Variants in LMX1B observed in about 807,000 individuals in gnomAD.
LMX1B encodes LIM homeobox transcription factor 1-beta.
Under a neutral mutation model 51.4 loss-of-function variants are expected in LMX1B, and 12 were observed. That is an observed-to-expected ratio of 0.23 (90% confidence interval 0.15 to 0.38). The LOEUF (loss-of-function observed/expected upper bound fraction) is 0.38. Among genes scored for constraint, LMX1B ranks in the 10% least tolerant of loss-of-function variants. LMX1B has a pLI of 1.00. For missense variants in LMX1B, 445 were observed against 571.1 expected, an observed-to-expected ratio of 0.78 and a Z score of 2.25; for synonymous variants, 237 against 235.4, an observed-to-expected ratio of 1.01 and a Z score of -0.06.
chr9:126,642,987 A>T (rs1232529747), intron 2 of LMX1B, among the ~76,000 whole-genome samples: 1 of 152,186 alleles, frequency 6.6e-6, no homozygotes, highest in East Asian at 1.9e-4. Flanking sequence ...GACCTGAATA[A>T]TCTGATGTTC....
At chr9:126,628,969 G>A (rs1398523724) in intron 2 of LMX1B, among the ~76,000 whole-genome samples, 1 of 141,126 alleles carries the variant, frequency 7.1e-6, no homozygotes, top group Non-Finnish European at 1.5e-5. Context: ...GCATATTTAC[G>A]CTTGATGGTG....
chr9:126,626,743 G>T lies in LMX1B; in HGVS notation c.326+11174G>T, dbSNP rs1835540641. The stretch of plus-strand genomic sequence containing the variant: ...GAAGGAGCAAGGAGGCGGCGGCGGA[G>T]CAAACTCTGCGGATTAGGTTTCAGC... On this transcript the variant is annotated intron_variant, in intron 2 of 7. Transcript: ENST00000373474. This position sits in a 1 kb window ranked among gnomAD's most constrained non-coding sequence, Gnocchi z 4.3. Among the ~76,000 whole-genome samples the T allele has an allele frequency of 6.6e-6, 1 of 152,212 alleles. No homozygotes were observed. The highest frequency in any genetic ancestry group is 2.4e-5 in the African/African-American group (1 of 41,456).
Position 126,615,624 on chromosome 9 carries a change from GC to G in LMX1B, c.326+60del. ...ACCGCCCGGCACTCGAGCCCGGTCA[GC>G]CCCCTGCCGGGCCCGGCCCGCGCCC... On this transcript the variant is annotated intron_variant, in intron 2 of 7. Coordinates refer to ENST00000373474, the MANE Select transcript of LMX1B (RefSeq NM_001174147.2). The surrounding 1 kb of genome is among the most constrained non-coding windows in gnomAD (Gnocchi z 6.0). 2 of 1,514,534 alleles carry G rather than the reference GC, an allele frequency of 1.3e-6. No homozygotes were observed. Among genetic ancestry groups the G allele is most frequent in the Non-Finnish European group, 1.8e-6 (2 of 1,120,982 alleles). 93.8% of individuals were successfully genotyped at this position (1,514,534 alleles called of 1,614,324 possible). A position where few individuals can be genotyped will look rare whatever the true frequency, so the allele number is the denominator to read the frequency against.
chr9:126,678,746 T>C (rs1472998246), intron 2 of LMX1B, among the ~76,000 whole-genome samples: 1 of 152,214 alleles, frequency 6.6e-6, no homozygotes. Flanking sequence ...AAAAACCTGA[T>C]GCTAGAGGAA....
Position 126,625,304 on chromosome 9 carries a change from T to C in LMX1B, c.326+9735T>C, listed in dbSNP as rs887744455. On this transcript the variant is annotated intron_variant, in intron 2 of 7. Transcript: ENST00000373474. This position sits in a 1 kb window ranked among gnomAD's most constrained non-coding sequence, Gnocchi z 5.3. ...GGGGTGGTTTTGCGGGTGCCTTAATTGGCAGCGTCTGGAAAATGGGGACAG... is the reference window on the plus strand; with the variant it reads ...GGGGTGGTTTTGCGGGTGCCTTAATCGGCAGCGTCTGGAAAATGGGGACAG... Among the ~76,000 whole-genome samples, 11 of 152,128 alleles carry C rather than the reference T, an allele frequency of 7.2e-5. No homozygotes were observed. Among genetic ancestry groups the C allele is most frequent in the Admixed American group, 3.3e-4 (5 of 15,282 alleles).
intron 2 of LMX1B, among the ~76,000 whole-genome samples, chr9:126,646,323 T>C (rs373179890): frequency 0.061 from 6,478 of 105,934 alleles, 463 homozygotes; most frequent in African/African-American, 0.27. Context: ...TACCTATCCA[T>C]CCATCTACCT....
At chr9:126,661,870 C>T (rs997638452) in intron 2 of LMX1B, among the ~76,000 whole-genome samples, 1 of 152,218 alleles carries the variant, frequency 6.6e-6, no homozygotes, top group African/African-American at 2.4e-5. Context: ...GTGGCCCCTG[C>T]AGCCCTCAGC....
rs570669496 is a variant in LMX1B at position 126,691,638 on chromosome 9, G to T, written c.559+570G>T. Among the ~76,000 whole-genome samples the T allele has an allele frequency of 4.6e-5, 7 of 151,938 alleles. No homozygotes were observed. In the East Asian group the frequency reaches 1.4e-3, roughly 29 times the overall value. On this transcript the variant is annotated intron_variant, in intron 3 of 7. Coordinates refer to ENST00000373474, the MANE Select transcript of LMX1B (RefSeq NM_001174147.2). ...CCCCCTTACCCTCTCTGCCTTGATG[G>T]CCCCCCACCAACCCGCAGCCCAGCT...
intron 2 of LMX1B, among the ~76,000 whole-genome samples, chr9:126,624,550 A>G (rs1835482272): frequency 6.6e-6 from 1 of 152,136 alleles, no homozygotes; most frequent in South Asian, 2.1e-4. Flanking sequence ...CAGCTCCTGG[A>G]GGCAACCAGG....
intron 1 of LMX1B, 123 bp downstream of exon 1, chr9:126,614,711 CAG>C (rs1314045730): frequency 8.9e-7 from 1 of 1,124,652 alleles, no homozygotes; most frequent in African/African-American, 1.6e-5. Context: ...GGGGAGGAGG[CAG>C]AGACAGGACT....
chr9:126,672,327 G>C (rs1158359516), intron 2 of LMX1B, among the ~76,000 whole-genome samples: 3 of 152,256 alleles, frequency 2.0e-5, no homozygotes, highest in African/African-American at 7.2e-5. Flanking sequence ...GAGATCAGGG[G>C]CCTCCCTCAC....
intron 2 of LMX1B, among the ~76,000 whole-genome samples, chr9:126,619,499 C>T (rs960727730): frequency 3.3e-5 from 5 of 152,218 alleles, no homozygotes; most frequent in Non-Finnish European, 5.9e-5. Flanking sequence ...GGCTGCAGAG[C>T]GCCTGTCCTG....
rs1835282517 is a variant in LMX1B at position 126,615,361 on chromosome 9, G to T, written c.140-22G>T. On this transcript the variant is annotated intron_variant, in intron 1 of 7. Transcript: ENST00000373474. The surrounding 1 kb of genome is among the most constrained non-coding windows in gnomAD (Gnocchi z 6.0). ...TGGGCCGGGCGGCGCTGACGGCCGG[G>T]CTTTCGCCCTGTGCGCTACAGGCTC... 6.5e-7 allele frequency: 1 copy of T among 1,547,210 alleles called. No individual in the cohort carries two copies. Among genetic ancestry groups the T allele is most frequent in the South Asian group, 1.2e-5 (1 of 84,790 alleles).
At chr9:126,685,704 G>T (rs986536763) in intron 2 of LMX1B, among the ~76,000 whole-genome samples, 3 of 152,192 alleles carry the variant, frequency 2.0e-5, no homozygotes, top group Non-Finnish European at 4.4e-5. Flanking sequence ...CACCCTCAGA[G>T]GAGGGTAGGA....
At chr9:126,654,959 C>A (rs1836085181) in intron 2 of LMX1B, among the ~76,000 whole-genome samples, 1 of 152,210 alleles carries the variant, frequency 6.6e-6, no homozygotes, top group African/African-American at 2.4e-5. Context: ...GCACTCACTG[C>A]CATACCCCCA....
rs113156550 is a variant in LMX1B at position 126,672,766 on chromosome 9, G to A, written c.327-18070G>A. 3.3e-3 allele frequency among the ~76,000 whole-genome samples: 496 copies of A among 152,306 alleles called. 2 individuals are homozygous for A. The highest frequency in any genetic ancestry group is 0.011 in the African/African-American group (471 of 41,576). On this transcript the variant is annotated intron_variant, in intron 2 of 7. Transcript: ENST00000373474. ...CCAGGGCCTGGCCTTAGGGAGGGGG[G>A]CGCACACAGCCCAGGACAGAATCCT...
chr9:126,695,963 C>T lies in LMX1B; in HGVS notation c.1011C>T (p.Leu337=), dbSNP rs1001731463. 4.3e-6 allele frequency: 7 copies of T among 1,612,464 alleles called. No individual in the cohort carries two copies. Among genetic ancestry groups the T allele is most frequent in the Non-Finnish European group, 4.2e-6 (5 of 1,179,496 alleles). The change falls in exon 7 of 8, where the codon CTC becomes CTT. Residue 337 remains leucine, a synonymous_variant. Coordinates refer to ENST00000373474, the MANE Select transcript of LMX1B (RefSeq NM_001174147.2). This position sits in a 1 kb window ranked among gnomAD's most constrained non-coding sequence, Gnocchi z 5.2. The part of the protein sequence containing the change: ...YGSSDPFQQG[L]TPPQMPGDHM... ...GCAGCGACCCCTTCCAGCAGGGCCT[C>T]ACGCCGCCCCAAATGCCAGGTGACC...
rs1422544199 is a variant in LMX1B, at chr9:126,693,861, G to A, written c.886+49G>A. The A allele has an allele frequency of 1.0e-5, 9 of 898,688 alleles. No individual in the cohort carries two copies. In the Admixed American group the frequency reaches 1.8e-4, roughly 18 times the overall value. 55.7% of individuals were successfully genotyped at this position (898,688 alleles called of 1,614,324 possible). A position where few individuals can be genotyped will look rare whatever the true frequency, so the allele number is the denominator to read the frequency against. Reference sequence around the variant, plus strand: ...CTGGGCCAGGGTGAGCTGGGGCCGGGGCCAGGGGTGGGCCTAGGCCAGGGT... The same window carrying A: ...CTGGGCCAGGGTGAGCTGGGGCCGGAGCCAGGGGTGGGCCTAGGCCAGGGT... On this transcript the variant is annotated intron_variant, in intron 6 of 7. Coordinates refer to ENST00000373474, the MANE Select transcript of LMX1B (RefSeq NM_001174147.2).
intron 2 of LMX1B, among the ~76,000 whole-genome samples, chr9:126,686,300 ATT>A (rs1422632613): frequency 9.9e-4 from 146 of 148,220 alleles, no homozygotes; most frequent in African/African-American, 2.6e-3. Flanking sequence ...AAAAAAAGAA[ATT>A]AATCAGATTA....
Sources: allele counts gnomAD v4.1 joint callset (sites outside exome capture counted in the v4.1 genomes callset), GRCh38; gene constraint gnomAD v4.1.1; non-coding constraint Gnocchi (gnomAD v3.1); transcripts MANE v1.5; gene names NCBI Gene and HGNC (gene_info 2026-07-23, HGNC 2026-07-21).